Variants in VSTM4 observed in about 807,000 individuals in gnomAD.
The protein encoded by VSTM4 is V-set and transmembrane domain-containing protein 4.
VSTM4 carries 20 observed loss-of-function variants against 36.4 expected under a neutral mutation model. The ratio of observed to expected loss-of-function variants is 0.55; its 90% CI spans 0.39 to 0.80. VSTM4 has a LOEUF of 0.80. Among genes scored for constraint, VSTM4 ranks in the 30% least tolerant of loss-of-function variants. The probability of loss-of-function intolerance (pLI) is 0.00; values close to 1 mark genes in which losing one functional copy is unlikely to be tolerated. For synonymous variants in VSTM4, 182 were observed against 173.9 expected (o/e 1.05, Z -0.37); for missense variants, 392 against 404.5 (o/e 0.97, Z 0.26).
chr10:49,076,138 T>C (rs1844174216), intron 4 of VSTM4, among the ~76,000 whole-genome samples: 1 of 152,216 alleles, frequency 6.6e-6, no homozygotes, highest in African/African-American at 2.4e-5. Context: ...CCTGCATTAA[T>C]GCTGCACAGA....
intron 2 of VSTM4, among the ~76,000 whole-genome samples, chr10:49,087,903 T>TTATATATGTATATATATACATATGTAA (rs1564589291): frequency 2.9e-4 from 43 of 147,300 alleles, no homozygotes; most frequent in Middle Eastern, 3.3e-3. Flanking sequence ...ATTATATATG[T>TTATATATGTATATATATACATATGTAA]TATATATGTA....
At chr10:49,096,628 T>TGTGTGC (rs1470077627) in intron 2 of VSTM4, among the ~76,000 whole-genome samples, 11 of 129,478 alleles carry the variant, frequency 8.5e-5, no homozygotes, top group Non-Finnish European at 1.8e-4. Context: ...AGACCGTGTG[T>TGTGTGC]GTGTGTGTGT....
chr10:49,070,704 A>G (rs1214488308), intron 4 of VSTM4, among the ~76,000 whole-genome samples: 1 of 152,224 alleles, frequency 6.6e-6, no homozygotes, highest in African/African-American at 2.4e-5. Flanking sequence ...GGGAGCTTGA[A>G]TCTAGGCTCC....
Position 49,114,585 on chromosome 10 carries a change from GTT to G in VSTM4, c.55+844_55+845del, listed in dbSNP as rs33942311. On this transcript the variant is annotated intron_variant, in intron 1 of 7. Coordinates refer to ENST00000332853, the MANE Select transcript of VSTM4 (RefSeq NM_001031746.5). ...TATTGGTGAGATTAACCAAGTTCAT[GTT>G]TTTTTTTTTTAATACTTGGATATAT... Among the ~76,000 whole-genome samples, 1,528 of 142,396 alleles carry G rather than the reference GTT, an allele frequency of 0.011. 52 individuals are homozygous for G. In the South Asian group the frequency reaches 0.13, roughly 12 times the overall value. The allele number at this position is 142,396 out of a possible 152,430, so 93.4% of individuals were successfully genotyped here.
intron 1 of VSTM4, among the ~76,000 whole-genome samples, chr10:49,113,030 T>C (rs1017647827): frequency 5.9e-5 from 9 of 152,086 alleles, no homozygotes; most frequent in African/African-American, 2.2e-4. Flanking sequence ...GATGCAGAGG[T>C]GGGCACAGTC....
At chr10:49,046,443 C>T (rs1370621664) in intron 7 of VSTM4, among the ~76,000 whole-genome samples, 3 of 152,140 alleles carry the variant, frequency 2.0e-5, no homozygotes, top group Admixed American at 6.5e-5. Context: ...AGCAGGTAGA[C>T]CAAAATCTGG....
chr10:49,074,389 C>T (rs894889012), intron 4 of VSTM4, among the ~76,000 whole-genome samples: 2 of 152,188 alleles, frequency 1.3e-5, no homozygotes, highest in African/African-American at 2.4e-5. Flanking sequence ...TAAGGCCTTG[C>T]TACTCCAAGC....
intron 7 of VSTM4, among the ~76,000 whole-genome samples, chr10:49,037,001 C>A (rs1843441045): frequency 6.6e-6 from 1 of 152,230 alleles, no homozygotes; most frequent in Non-Finnish European, 1.5e-5. Flanking sequence ...GTCACCTGGC[C>A]AAGTGCTACA....
intron 2 of VSTM4, among the ~76,000 whole-genome samples, chr10:49,090,578 G>A (rs570300170): frequency 6.6e-6 from 1 of 152,266 alleles, no homozygotes; most frequent in South Asian, 2.1e-4. Flanking sequence ...GAAGGTGCAG[G>A]ACTGGAATGA....
chr10:49,051,553 G>T (rs929252150), intron 5 of VSTM4, among the ~76,000 whole-genome samples: 2 of 152,116 alleles, frequency 1.3e-5, no homozygotes, highest in Admixed American at 1.3e-4. Context: ...CTGCCACCAT[G>T]CCCAGCTAAT....
At position 49,018,246 on chromosome 10, in the gene VSTM4, G is replaced by T. The variant is rs1843130595; in HGVS notation, c.*1404C>A. 1 of 152,224 alleles carries T rather than the reference G, an allele frequency of 6.6e-6. No individual in the cohort carries two copies. The highest frequency in any genetic ancestry group is 1.5e-5 in the Non-Finnish European group (1 of 68,044). 9.4% of individuals were successfully genotyped at this position (152,224 alleles called of 1,614,324 possible). ...ATTTTGAAAATGCAGACTGGCTTTA[G>T]CATGAATGTCAACACAGAGCATTTG... On this transcript the variant is annotated 3_prime_UTR_variant, in exon 8 of 8. Transcript: ENST00000332853.
At chr10:49,040,702 C>T (rs755601141) in intron 7 of VSTM4, among the ~76,000 whole-genome samples, 1 of 152,174 alleles carries the variant, frequency 6.6e-6, no homozygotes, top group Non-Finnish European at 1.5e-5. Flanking sequence ...GAAAAGATTC[C>T]CACTTGTTAA....
intron 7 of VSTM4, among the ~76,000 whole-genome samples, chr10:49,041,808 T>C (rs1463773292): frequency 1.3e-5 from 2 of 152,156 alleles, no homozygotes; most frequent in Non-Finnish European, 2.9e-5. Context: ...TAGGGGGCAA[T>C]GAGAAAATCT....
intron 7 of VSTM4, among the ~76,000 whole-genome samples, chr10:49,039,753 G>T (rs909235601): frequency 6.6e-6 from 1 of 152,200 alleles, no homozygotes; most frequent in Non-Finnish European, 1.5e-5. Flanking sequence ...ATGTTGAGAT[G>T]CTGACTGCCC....
In VSTM4 at chr10:49,059,526, C is replaced by T. The variant is rs182457312; in HGVS notation, c.668+5177G>A. Among the ~76,000 whole-genome samples, 544 of 152,224 alleles carry T rather than the reference C, an allele frequency of 3.6e-3. 1 individual carries two copies. The highest frequency in any genetic ancestry group is 0.012 in the African/African-American group (496 of 41,526). On this transcript the variant is annotated intron_variant, in intron 5 of 7. Transcript: ENST00000332853. ...AAACTGTAAGGGAAAAAAGAGGGGCCCCAGTAGCCAGAGGCTGCTTGCTAG... is the reference window on the plus strand; with the variant it reads ...AAACTGTAAGGGAAAAAAGAGGGGCTCCAGTAGCCAGAGGCTGCTTGCTAG...
chr10:49,077,134 A>C, intron 4 of VSTM4, 85 bp downstream of exon 4: 1 of 1,364,284 alleles, frequency 7.3e-7, no homozygotes, highest in Non-Finnish European at 1.0e-6. Context: ...CTTTTCCACC[A>C]AGGTGGTACT....
Position 49,075,433 on chromosome 10 carries a change from C to T in VSTM4, c.634+1786G>A, listed in dbSNP as rs1003842635. 3.3e-5 allele frequency among the ~76,000 whole-genome samples: 5 copies of T among 152,276 alleles called. No homozygotes were observed. The South Asian group carries it at 1.0e-3, about 31-fold the overall frequency. ...GTCCACCATGTGCTGAGCATCTGTC[C>T]TGAGCCACATTCCAAGGAGAATGAA... On this transcript the variant is annotated intron_variant, in intron 4 of 7. Transcript: ENST00000332853.
At chr10:49,057,527 C>A (rs138448339) in intron 5 of VSTM4, among the ~76,000 whole-genome samples, 64 of 152,310 alleles carry the variant, frequency 4.2e-4, no homozygotes, top group African/African-American at 1.4e-3. Flanking sequence ...TGGCACAACT[C>A]TACCTGACAC....
intron 7 of VSTM4, among the ~76,000 whole-genome samples, chr10:49,038,815 T>G (rs1415669082): frequency 6.6e-6 from 1 of 151,946 alleles, no homozygotes; most frequent in African/African-American, 2.4e-5. Context: ...AGGGGACCAA[T>G]GGGCTGCACA....
Sources: gnomAD v4.1 joint callset for allele counts (sites outside exome capture counted in the v4.1 genomes callset) on GRCh38, gnomAD v4.1.1 for gene constraint, MANE v1.5 for transcripts, NCBI Gene and HGNC (gene_info 2026-07-23, HGNC 2026-07-21) for gene names.